Variants in THAP4 observed in about 807,000 individuals in gnomAD.
THAP4 encodes THAP domain containing 4.
A neutral mutation model predicts 48.1 loss-of-function variants in THAP4; 18 were observed. The ratio of observed to expected loss-of-function variants is 0.37; its 90% CI spans 0.26 to 0.56. The LOEUF (loss-of-function observed/expected upper bound fraction) is 0.56, where lower values mean the gene tolerates loss of function less well. Among genes scored for constraint, THAP4 ranks in the 20% least tolerant of loss-of-function variants. The probability of loss-of-function intolerance (pLI) is 0.78; values close to 1 mark genes in which losing one functional copy is unlikely to be tolerated. For missense variants in THAP4, 656 were observed against 774.9 expected, an observed-to-expected ratio of 0.85 and a Z score of 1.82; for synonymous variants, 345 against 324.9, an observed-to-expected ratio of 1.06 and a Z score of -0.66.
At chr2:241,592,159 A>AT (rs1288577684) in intron 5 of THAP4, 2 of 152,262 alleles carry the variant, frequency 1.3e-5, no homozygotes, top group Non-Finnish European at 2.9e-5. Context: ...AGCCACCCAC[A>AT]TAAGGCAGGA....
At position 241,634,200 on chromosome 2, in the gene THAP4, T is replaced by C. The variant is rs2067608470; in HGVS notation, c.78-121A>G. On this transcript the variant is annotated intron_variant, in intron 1 of 5. Coordinates refer to ENST00000407315, the MANE Select transcript of THAP4 (RefSeq NM_015963.6). ...CCTAAGCCGTATTGACTTCATCCAC[T>C]TAAAAAAATACTTCAAAAAGATTTA... 12 of 678,304 alleles carry C rather than the reference T, an allele frequency of 1.8e-5. No individual in the cohort carries two copies. In the South Asian group the frequency reaches 2.6e-4, roughly 15 times the overall value. 42.0% of individuals were successfully genotyped at this position (678,304 alleles called of 1,614,324 possible). A position where few individuals can be genotyped will look rare whatever the true frequency, so the allele number is the denominator to read the frequency against.
At position 241,601,704 on chromosome 2, in the gene THAP4, C is replaced by A; in HGVS notation, c.1614+192G>T. The A allele has an allele frequency of 1.9e-6, 2 of 1,053,668 alleles. No individual in the cohort carries two copies. Among genetic ancestry groups the A allele is most frequent in the Non-Finnish European group, 2.7e-6 (2 of 740,898 alleles). The allele number at this position is 1,053,668 out of a possible 1,614,324, so 65.3% of individuals were successfully genotyped here. Reference sequence around the variant, plus strand: ...CAAAAAAACCACACCACTGACCAGCCGAGGAGGGGGCAATGAATTTAGGGA... The same window carrying A: ...CAAAAAAACCACACCACTGACCAGCAGAGGAGGGGGCAATGAATTTAGGGA... On this transcript the variant is annotated intron_variant, in intron 5 of 5. Coordinates refer to ENST00000407315, the MANE Select transcript of THAP4 (RefSeq NM_015963.6). The surrounding 1 kb of genome is among the most constrained non-coding windows in gnomAD (Gnocchi z 4.0).
chr2:241,592,685 C>T (rs771278532), intron 5 of THAP4, among the ~76,000 whole-genome samples: 2 of 152,224 alleles, frequency 1.3e-5, no homozygotes, highest in Non-Finnish European at 2.9e-5. Flanking sequence ...ACATAAGCCT[C>T]GGTCTCTTCG....
In THAP4 at chr2:241,612,052, T is replaced by A. The variant is rs1208613344; in HGVS notation, c.1241-5579A>T. ...CGAGTAGTTGAATGAAGCTGCTCCA[T>A]GAAGAAAGACCACTAACTAAACATG... On this transcript the variant is annotated intron_variant, in intron 2 of 5. Coordinates refer to ENST00000407315, the MANE Select transcript of THAP4 (RefSeq NM_015963.6). This position sits in a 1 kb window ranked among gnomAD's most constrained non-coding sequence, Gnocchi z 4.1. Among the ~76,000 whole-genome samples the A allele has an allele frequency of 2.0e-5, 3 of 151,918 alleles. No homozygotes were observed. The highest frequency in any genetic ancestry group is 7.3e-5 in the African/African-American group (3 of 41,342).
intron 5 of THAP4, among the ~76,000 whole-genome samples, chr2:241,588,133 C>T (rs909380335): frequency 6.6e-6 from 1 of 151,756 alleles, no homozygotes; most frequent in Non-Finnish European, 1.5e-5. Flanking sequence ...GATCAATATA[C>T]AACAGCTAAT....
intron 5 of THAP4, among the ~76,000 whole-genome samples, chr2:241,588,953 G>A (rs2066923763): frequency 1.3e-5 from 2 of 152,148 alleles, no homozygotes; most frequent in African/African-American, 2.4e-5. Flanking sequence ...GGTGGCTCAC[G>A]CCTGTCATCT....
At chr2:241,588,870 CAG>C (rs767219825) in intron 5 of THAP4, among the ~76,000 whole-genome samples, 2 of 151,992 alleles carry the variant, frequency 1.3e-5, no homozygotes, top group African/African-American at 2.4e-5. Flanking sequence ...AATTTTAAGA[CAG>C]GACACAAAAA....
chr2:241,601,394 T>A lies in THAP4; in HGVS notation c.1614+502A>T, dbSNP rs1455392306. On this transcript the variant is annotated intron_variant, in intron 5 of 5. Transcript: ENST00000407315. This position sits in a 1 kb window ranked among gnomAD's most constrained non-coding sequence, Gnocchi z 4.0. ...GAGCCCTCCTGCTTCTAAGTTAGATTCAAAACATGAGTGAGATTTCATCTT... is the reference window on the plus strand; with the variant it reads ...GAGCCCTCCTGCTTCTAAGTTAGATACAAAACATGAGTGAGATTTCATCTT... 6.6e-6 allele frequency among the ~76,000 whole-genome samples: 1 copy of A among 152,186 alleles called. No homozygotes were observed. The highest frequency in any genetic ancestry group is 6.5e-5 in the Admixed American group (1 of 15,274).
intron 5 of THAP4, among the ~76,000 whole-genome samples, chr2:241,590,329 TGCCCG>T: frequency 1.3e-5 from 2 of 151,392 alleles, no homozygotes; most frequent in African/African-American, 4.9e-5. Flanking sequence ...CACTCAGAGC[TGCCCG>T]GCTGATGATG....
rs778762101 is a variant in THAP4, at chr2:241,633,760, C to T, written c.397G>A (p.Gly133Arg). 1.9e-6 allele frequency: 3 copies of T among 1,612,614 alleles called. No homozygotes were observed. The highest frequency in any genetic ancestry group is 1.7e-4 in the Middle Eastern group (1 of 6,060). The change falls in exon 2 of 6, where the codon GGA (glycine) becomes AGA (arginine). Residue 133 changes from glycine (G) to arginine (R), a missense_variant. Gly to Arg is a moderately radical substitution (Grantham distance 125). Coordinates refer to ENST00000407315, the MANE Select transcript of THAP4 (RefSeq NM_015963.6). This position sits in a 1 kb window ranked among gnomAD's most constrained non-coding sequence, Gnocchi z 7.5. ...GAAGWSPSSSGNPMAKPESRR... is the reference protein window; with the variant it reads ...GAAGWSPSSSRNPMAKPESRR... The stretch of plus-strand genomic sequence containing the variant: ...GACTCTGGCTTGGCCATCGGGTTTC[C>T]ACTCGAGGACGGTGACCAACCTGCA...
rs540795654 is a variant in THAP4, at chr2:241,616,722, T to A, written c.1241-10249A>T. ...ACGCTTTTGAGCAGAAAAAATAACA[T>A]CAGACTGGAAAGGAAGGAGCACGCG... On this transcript the variant is annotated intron_variant, in intron 2 of 5. Coordinates refer to ENST00000407315, the MANE Select transcript of THAP4 (RefSeq NM_015963.6). The surrounding 1 kb of genome is among the most constrained non-coding windows in gnomAD (Gnocchi z 4.6). Among the ~76,000 whole-genome samples the A allele has an allele frequency of 6.6e-6, 1 of 152,142 alleles. No individual in the cohort carries two copies. Among genetic ancestry groups the A allele is most frequent in the East Asian group, 1.9e-4 (1 of 5,188 alleles).
chr2:241,627,597 A>G (rs2067509533), intron 2 of THAP4, among the ~76,000 whole-genome samples: 2 of 152,206 alleles, frequency 1.3e-5, no homozygotes, highest in Admixed American at 1.3e-4. Flanking sequence ...AAAAGCAGAC[A>G]CTGGCTAGCG....
At chr2:241,614,015 A>T (rs1040152908) in intron 2 of THAP4, among the ~76,000 whole-genome samples, 2 of 152,088 alleles carry the variant, frequency 1.3e-5, no homozygotes, top group African/African-American at 4.8e-5. Flanking sequence ...TTAGCCAGGC[A>T]TGGTGGTGCG....
At position 241,601,578 on chromosome 2, in the gene THAP4, T is replaced by C. The variant is rs920326622; in HGVS notation, c.1614+318A>G. On this transcript the variant is annotated intron_variant, in intron 5 of 5. Transcript: ENST00000407315. The surrounding 1 kb of genome is among the most constrained non-coding windows in gnomAD (Gnocchi z 4.0). ...AATTTAAAATGTACCTGTCCTTTGA[T>C]CCAGCAATTTAACTGGGAAAAATTT... 2.0e-5 allele frequency among the ~76,000 whole-genome samples: 3 copies of C among 152,140 alleles called. No homozygotes were observed. Among genetic ancestry groups the C allele is most frequent in the East Asian group, 1.9e-4 (1 of 5,190 alleles).
intron 1 of THAP4, among the ~76,000 whole-genome samples, chr2:241,634,911 A>G (rs1485656753): frequency 1.3e-5 from 2 of 152,284 alleles, no homozygotes; most frequent in Admixed American, 1.3e-4. Context: ...CAAACACTGC[A>G]TGATACCACT....
At chr2:241,588,006 A>G (rs1051439798) in intron 5 of THAP4, among the ~76,000 whole-genome samples, 1 of 151,444 alleles carries the variant, frequency 6.6e-6, no homozygotes, top group African/African-American at 2.4e-5. Flanking sequence ...GAAAAAAGTA[A>G]AAAGGAGAGA....
At chr2:241,605,423 G>A (rs1225265294) in intron 3 of THAP4, among the ~76,000 whole-genome samples, 4 of 152,114 alleles carry the variant, frequency 2.6e-5, no homozygotes, top group Non-Finnish European at 1.5e-5. Flanking sequence ...AAAAAACTGT[G>A]TATTACTTCT....
intron 2 of THAP4, among the ~76,000 whole-genome samples, chr2:241,608,654 C>T (rs1199591944): frequency 6.6e-6 from 1 of 152,240 alleles, no homozygotes; most frequent in Non-Finnish European, 1.5e-5. Context: ...GTGCTGGACA[C>T]TCTTCCAGGG....
rs539118396 is a variant in THAP4, at chr2:241,613,185, T to C, written c.1241-6712A>G. On this transcript the variant is annotated intron_variant, in intron 2 of 5. Coordinates refer to ENST00000407315, the MANE Select transcript of THAP4 (RefSeq NM_015963.6). ...GAGCTTTGTTTCTATGTCTTCTCCC[T>C]GAGGACATTACCAGCAGCTGGATGT... Among the ~76,000 whole-genome samples, 88 of 150,812 alleles carry C rather than the reference T, an allele frequency of 5.8e-4. 1 individual carries two copies. Among genetic ancestry groups the C allele is most frequent in the African/African-American group, 2.1e-3 (86 of 41,000 alleles).
Sources: gnomAD v4.1 joint callset for allele counts (sites outside exome capture counted in the v4.1 genomes callset) on GRCh38, gnomAD v4.1.1 for gene constraint, Gnocchi (gnomAD v3.1) non-coding constraint, MANE v1.5 for transcripts, NCBI Gene and HGNC (gene_info 2026-07-23, HGNC 2026-07-21) for gene names.